Variants in DCHS2 observed in about 807,000 individuals in gnomAD.
DCHS2 encodes dachsous cadherin-related 2, also known as protocadherin-23.
DCHS2 carries 142 observed loss-of-function variants against 182.4 expected under a neutral mutation model. The ratio of observed to expected loss-of-function variants is 0.78; its 90% confidence interval spans 0.68 to 0.89. The LOEUF is 0.89. Ranked by LOEUF, DCHS2 falls within the 40% of genes least tolerant of loss-of-function variation. The probability of loss-of-function intolerance (pLI) is 0.00; values close to 1 mark genes in which losing one functional copy is unlikely to be tolerated. For missense variants in DCHS2, 4,319 were observed against 4,198.6 expected (o/e 1.03, Z -0.79); for synonymous variants, 1,740 against 1,663.3 (o/e 1.05, Z -1.12).
At chr4:154,271,590 C>T (rs967602633) in intron 13 of DCHS2, among the ~76,000 whole-genome samples, 5 of 152,152 alleles carry the variant, frequency 3.3e-5, no homozygotes, top group Non-Finnish European at 5.9e-5. Flanking sequence ...AAAAAGTCAT[C>T]TACAGCAGCC....
intron 1 of DCHS2, among the ~76,000 whole-genome samples, chr4:154,454,165 A>G (rs1315565212): frequency 6.6e-6 from 1 of 152,044 alleles, no homozygotes; most frequent in Non-Finnish European, 1.5e-5. Flanking sequence ...ACCCCTTGCC[A>G]GGATATCGAT....
intron 13 of DCHS2, among the ~76,000 whole-genome samples, chr4:154,296,713 A>G (rs1383696048): frequency 1.3e-5 from 2 of 152,202 alleles, no homozygotes; most frequent in African/African-American, 4.8e-5. Flanking sequence ...AAAATGTTAA[A>G]AGCAGTTTGG....
intron 3 of DCHS2, among the ~76,000 whole-genome samples, chr4:154,338,277 A>G (rs1056213586): frequency 3.3e-5 from 5 of 152,256 alleles, no homozygotes; most frequent in Non-Finnish European, 7.3e-5. Context: ...TTGAAAATAT[A>G]CAAACAACAA....
Position 154,235,496 on chromosome 4 carries a change from G to T in DCHS2, c.9156C>A (p.Phe3052Leu). The T allele has an allele frequency of 6.2e-7, 1 of 1,614,060 alleles. No individual in the cohort carries two copies. Among genetic ancestry groups the T allele is most frequent in the Non-Finnish European group, 8.5e-7 (1 of 1,179,978 alleles). Residue 3052 changes from phenylalanine (F) to leucine (L), a missense_variant, in exon 20 of 20, where the codon TTC becomes TTA. Transcript: ENST00000357232. The stretch of plus-strand genomic sequence containing the variant: ...CGTTACTGCAGTCGTCAGTTTTCTG[G>T]AAGGCTTTGAGCACACTGGCATCCC... ...VTRDASVLKAFQKTDDCSNEV... is the reference protein window; with the variant it reads ...VTRDASVLKALQKTDDCSNEV...
intron 1 of DCHS2, among the ~76,000 whole-genome samples, chr4:154,399,139 G>A (rs1455114527): frequency 1.3e-5 from 2 of 152,152 alleles, no homozygotes; most frequent in Non-Finnish European, 2.9e-5. Context: ...CAGAAACTGA[G>A]CTGTAAATGC....
intron 1 of DCHS2, among the ~76,000 whole-genome samples, chr4:154,452,005 C>T (rs1734555840): frequency 6.6e-6 from 1 of 152,128 alleles, no homozygotes; most frequent in Admixed American, 6.5e-5. Flanking sequence ...TCTGTTGATA[C>T]CAGTCAACCA....
intron 1 of DCHS2, 131 bp downstream of exon 1, chr4:154,489,173 G>A (rs887734980): frequency 2.3e-5 from 18 of 769,924 alleles, no homozygotes; most frequent in Non-Finnish European, 3.4e-5. Context: ...ACTGTAGAGG[G>A]GGCACTACCG....
intron 14 of DCHS2, among the ~76,000 whole-genome samples, chr4:154,266,843 G>A (rs143597555): frequency 6.6e-5 from 10 of 152,148 alleles, no homozygotes; most frequent in East Asian, 3.9e-4. Context: ...TACATTGTTC[G>A]TTCTGCTTTA....
chr4:154,250,109 A>G (rs752774223), intron 16 of DCHS2, among the ~76,000 whole-genome samples: 2 of 152,186 alleles, frequency 1.3e-5, no homozygotes, highest in Non-Finnish European at 2.9e-5. Flanking sequence ...GTGAGCATCC[A>G]TGGATTTTTG....
chr4:154,380,681 G>C (rs1394899473), intron 1 of DCHS2, among the ~76,000 whole-genome samples: 2 of 152,086 alleles, frequency 1.3e-5, no homozygotes, highest in African/African-American at 4.8e-5. Context: ...TAGGATAAAA[G>C]TATTGATCTC....
intron 1 of DCHS2, among the ~76,000 whole-genome samples, chr4:154,447,039 C>T (rs1256975497): frequency 6.6e-6 from 1 of 152,102 alleles, no homozygotes; most frequent in Non-Finnish European, 1.5e-5. Context: ...TGCCTGTAAT[C>T]CCAGCATTTT....
chr4:154,263,982 T>C (rs1281239370), intron 14 of DCHS2, among the ~76,000 whole-genome samples: 1 of 151,962 alleles, frequency 6.6e-6, no homozygotes. Flanking sequence ...TTGGTGTTGA[T>C]TGAAAGGGAG....
At chr4:154,323,439 C>A in intron 7 of DCHS2, 1 of 1,438,222 alleles carries the variant, frequency 7.0e-7, no homozygotes, top group Non-Finnish European at 9.2e-7. Flanking sequence ...AAGCTATCCT[C>A]ACACCTTGGC....
chr4:154,352,894 A>G (rs558480295), intron 3 of DCHS2, among the ~76,000 whole-genome samples: 2 of 152,284 alleles, frequency 1.3e-5, no homozygotes, highest in African/African-American at 4.8e-5. Flanking sequence ...ATTTGAGGGT[A>G]GGGGCAGACT....
At position 154,479,964 on chromosome 4, in the gene DCHS2, T is replaced by TTGTTTATACA. The variant is rs1460011131; in HGVS notation, c.2052+9330_2052+9339dup. Among the ~76,000 whole-genome samples, 11 of 152,352 alleles carry TTGTTTATACA rather than the reference T, an allele frequency of 7.2e-5. No individual in the cohort carries two copies. In the East Asian group the frequency reaches 1.9e-3, roughly 27 times the overall value. The stretch of plus-strand genomic sequence containing the variant: ...CTGACAGCTCTGAAATATTGTGTTC[T>TTGTTTATACA]TGTTTATACACAATGTAACAGAACA... On this transcript the variant is annotated intron_variant, in intron 1 of 19. Transcript: ENST00000357232.
intron 12 of DCHS2, among the ~76,000 whole-genome samples, chr4:154,304,134 A>G (rs1431133289): frequency 2.0e-4 from 30 of 151,732 alleles, no homozygotes; most frequent in Admixed American, 1.7e-3. Flanking sequence ...TTGGCATCCC[A>G]GTGGTAGCTA....
In DCHS2 at chr4:154,234,118, A is replaced by AACTC. The variant is rs1731324688; in HGVS notation, c.*414_*417dup. On this transcript the variant is annotated 3_prime_UTR_variant, in exon 20 of 20. Coordinates refer to ENST00000357232, the MANE Select transcript of DCHS2 (RefSeq NM_001358235.2). ...CCTCTCTGCTATATGTTCTGACCTA[A>AACTC]ACTCATTCTCCATTTAGCCTTTACT... 6.4e-6 allele frequency: 1 copy of AACTC among 157,382 alleles called. No individual in the cohort carries two copies. Among genetic ancestry groups the AACTC allele is most frequent in the Admixed American group, 6.3e-5 (1 of 15,782 alleles). 9.7% of individuals were successfully genotyped at this position (157,382 alleles called of 1,614,324 possible).
intron 1 of DCHS2, among the ~76,000 whole-genome samples, chr4:154,387,848 A>G (rs1234218092): frequency 6.6e-6 from 1 of 152,144 alleles, no homozygotes; most frequent in South Asian, 2.1e-4. Context: ...TCCCAGTAAA[A>G]ACAAATAGCC....
At chr4:154,374,197 C>A in intron 2 of DCHS2, 1 of 486,386 alleles carries the variant, frequency 2.1e-6, no homozygotes, top group South Asian at 3.0e-5. Context: ...TGATGGACAG[C>A]AGTTCTACGA....
Sources: gnomAD v4.1 joint callset for allele counts (sites outside exome capture counted in the v4.1 genomes callset) on GRCh38, gnomAD v4.1.1 for gene constraint, MANE v1.5 for transcripts, NCBI Gene and HGNC (gene_info 2026-07-23, HGNC 2026-07-21) for gene names.